GPR107: variants seen among roughly 807,000 people sequenced by gnomAD.
GPR107 encodes protein GPR107.
Under a neutral mutation model 75.5 loss-of-function variants are expected in GPR107, and 31 were observed. That is an observed-to-expected ratio of 0.41 (90% CI 0.31 to 0.55). The LOEUF (loss-of-function observed/expected upper bound fraction) is 0.55. GPR107 is among the 20% of genes least tolerant of loss of function. GPR107 has a pLI of 0.26. For synonymous variants in GPR107, 267 were observed against 251.3 expected (o/e 1.06, Z -0.59); for missense variants, 572 against 665.7 (o/e 0.86, Z 1.55).
At chr9:130,065,765 TCAAAAA>T (rs1830053828) in intron 1 of GPR107, among the ~76,000 whole-genome samples, 1 of 27,904 alleles carries the variant, frequency 3.6e-5, no homozygotes. Flanking sequence ...AGACCCTGTC[TCAAAAA>T]AAAAAAAAAA....
At chr9:130,122,730 A>G (rs1222678298) in intron 14 of GPR107, among the ~76,000 whole-genome samples, 1 of 152,196 alleles carries the variant, frequency 6.6e-6, no homozygotes, top group African/African-American at 2.4e-5. Flanking sequence ...GACTGAATAA[A>G]AAAGAGATGA....
In GPR107 at chr9:130,101,138, C is replaced by T; in HGVS notation, c.1046C>T (p.Ala349Val). 6.2e-7 allele frequency: 1 copy of T among 1,608,366 alleles called. No homozygotes were observed. Among genetic ancestry groups the T allele is most frequent in the Non-Finnish European group, 8.5e-7 (1 of 1,174,696 alleles). ...LKGALLFITI[A>V]LIGTGWAFIK... ...GGGGCGCTACTCTTCATCACCATTG[C>T]ACTCATTGGCACTGGCTGGGCTTTC... The change falls in exon 12 of 18, where the codon GCA becomes GTA. Residue 349 changes from alanine to valine, a missense_variant. Ala to Val is a moderately conservative substitution (Grantham distance 64). Transcript: ENST00000347136.
At chr9:130,064,974 A>G (rs1161938524) in intron 1 of GPR107, among the ~76,000 whole-genome samples, 2 of 152,190 alleles carry the variant, frequency 1.3e-5, no homozygotes, top group Admixed American at 6.5e-5. Context: ...TGTAGCCTCC[A>G]GAACTGTGAG....
At chr9:130,079,825 T>A (rs1252178736) in intron 5 of GPR107, 56 bp downstream of exon 5, 18 of 1,208,044 alleles carry the variant, frequency 1.5e-5, no homozygotes, top group Middle Eastern at 2.0e-4. Context: ...TTGTAGCTTT[T>A]TTGTTCCTAA....
intron 14 of GPR107, among the ~76,000 whole-genome samples, chr9:130,111,832 G>A (rs1011433949): frequency 6.6e-6 from 1 of 152,136 alleles, no homozygotes. Flanking sequence ...GGCCGAAGCT[G>A]CCCACTGTCC....
At chr9:130,066,938 A>G (rs927286076) in intron 1 of GPR107, among the ~76,000 whole-genome samples, 3 of 151,904 alleles carry the variant, frequency 2.0e-5, no homozygotes, top group Non-Finnish European at 4.4e-5. Flanking sequence ...GTGAGCCGAG[A>G]TGGCGCCACT....
intron 17 of GPR107, 38 bp from the exon 18 acceptor site, chr9:130,134,987 G>C: frequency 8.5e-7 from 1 of 1,171,850 alleles, no homozygotes; most frequent in Non-Finnish European, 1.3e-6. Context: ...CTAAGAGACT[G>C]TGAGATGTTC....
At chr9:130,119,523 G>A (rs1831500563) in intron 14 of GPR107, among the ~76,000 whole-genome samples, 2 of 152,218 alleles carry the variant, frequency 1.3e-5, no homozygotes, top group South Asian at 4.1e-4. Context: ...TGAAGAAACC[G>A]AGGCTCAGAG....
At chr9:130,109,126 A>G (rs1303740602) in intron 14 of GPR107, among the ~76,000 whole-genome samples, 1 of 150,604 alleles carries the variant, frequency 6.6e-6, no homozygotes. Context: ...CAGCCTCCCA[A>G]GTAGCTGGGA....
At chr9:130,097,300 A>G (rs1830898706) in intron 9 of GPR107, among the ~76,000 whole-genome samples, 1 of 151,774 alleles carries the variant, frequency 6.6e-6, no homozygotes, top group South Asian at 2.1e-4. Context: ...GACTATAGGC[A>G]TGTACGCCCA....
At position 130,053,923 on chromosome 9, in the gene GPR107, T is replaced by C. The variant is rs1411192574; in HGVS notation, c.-10T>C. 6.4e-7 allele frequency: 1 copy of C among 1,557,566 alleles called. No individual in the cohort carries two copies. On this transcript the variant is annotated 5_prime_UTR_variant, in exon 1 of 18. Coordinates refer to ENST00000347136, the MANE Select transcript of GPR107 (RefSeq NM_020960.5). ...CGGGAGAGGAAGCGGCTGGTGATGC[T>C]GGAACAAACATGGCCGCTCTGGCGC...
rs916581796 is a variant in GPR107, at chr9:130,064,343, G to A, written c.141+10270G>A. ...CTCCCGAGTAGCTGGGACTACAGGC[G>A]CCCGCCACCGCGCCCGGCTAATTTT... On this transcript the variant is annotated intron_variant, in intron 1 of 17. Transcript: ENST00000347136. Among the ~76,000 whole-genome samples the A allele has an allele frequency of 2.7e-5, 4 of 150,332 alleles. No homozygotes were observed. In the South Asian group the frequency reaches 6.3e-4, roughly 24 times the overall value.
chr9:130,133,484 C>CA (rs1468494716), intron 17 of GPR107, among the ~76,000 whole-genome samples: 1 of 152,226 alleles, frequency 6.6e-6, no homozygotes, highest in African/African-American at 2.4e-5. Flanking sequence ...TGGAGAGGCA[C>CA]GGGGGCTGCT....
rs199592541 is a variant in GPR107, at chr9:130,068,750, TA to T, written c.142-6885del. Among the ~76,000 whole-genome samples, 581 of 148,420 alleles carry T rather than the reference TA, an allele frequency of 3.9e-3. 4 individuals are homozygous for T. Among genetic ancestry groups the T allele is most frequent in the African/African-American group, 8.9e-3 (362 of 40,892 alleles). ...CATCAAAACAGTATGTCCTCTTTTT[TA>T]TTTTTTTTGAGACGAGGTTTTGCTT... is the stretch of plus-strand genomic sequence containing the variant. On this transcript the variant is annotated intron_variant, in intron 1 of 17. Transcript: ENST00000347136.
chr9:130,130,414 G>A (rs1831793639), intron 17 of GPR107, among the ~76,000 whole-genome samples: 1 of 152,186 alleles, frequency 6.6e-6, no homozygotes, highest in Non-Finnish European at 1.5e-5. Context: ...TCCCATTCCA[G>A]AACGCTGTCC....
In GPR107 at chr9:130,099,503, A is replaced by G. The variant is rs762147017; in HGVS notation, c.910A>G (p.Thr304Ala). 61 of 1,602,258 alleles carry G rather than the reference A, an allele frequency of 3.8e-5. No individual in the cohort carries two copies. The Middle Eastern group carries it at 8.2e-4, about 22-fold the overall frequency. ...CTGGCTGATGGCGGCCCTTCCTTTCACCAAGTCTCTTTCCTTGGTGTTCCA... is the reference window on the plus strand; with the variant it reads ...CTGGCTGATGGCGGCCCTTCCTTTCGCCAAGTCTCTTTCCTTGGTGTTCCA... ...IHWLMAALPF[T>A]KSLSLVFHAI... Residue 304 changes from threonine (T) to alanine (A), a missense_variant, in exon 10 of 18, where the codon ACC (threonine) becomes GCC (alanine). Thr to Ala is a moderately conservative substitution (Grantham distance 58). Transcript: ENST00000347136.
intron 12 of GPR107, 136 bp downstream of exon 12, chr9:130,101,359 T>G (rs1057019989): frequency 1.5e-6 from 1 of 674,928 alleles, no homozygotes. Context: ...AGACTGAGAT[T>G]CTCTTTCTGA....
chr9:130,125,058 A>T, intron 15 of GPR107, 94 bp downstream of exon 15: 1 of 446,582 alleles, frequency 2.2e-6, no homozygotes, highest in Non-Finnish European at 4.0e-6. Flanking sequence ...AAAGCACAAG[A>T]TGTGCCACCT....
At chr9:130,108,913 C>A (rs1831227650) in intron 14 of GPR107, 1 of 368,236 alleles carries the variant, frequency 2.7e-6, no homozygotes, top group African/African-American at 2.2e-5. Context: ...TTCTTGGAGC[C>A]CAGTAAAGCA....
Sources: gnomAD v4.1 joint callset for allele counts (sites outside exome capture counted in the v4.1 genomes callset) on GRCh38, gnomAD v4.1.1 for gene constraint, MANE v1.5 for transcripts, NCBI Gene and HGNC (gene_info 2026-07-23, HGNC 2026-07-21) for gene names.